Variants in VMP1 observed in about 807,000 individuals in gnomAD.
VMP1 encodes vacuole membrane protein 1.
In VMP1, 11 loss-of-function variants were observed where a neutral mutation model predicts 56.0. The ratio of observed to expected loss-of-function variants is 0.20; its 90% confidence interval spans 0.12 to 0.32. VMP1 has a LOEUF of 0.32. VMP1 is among the 10% of genes least tolerant of loss of function. The probability of loss-of-function intolerance (pLI) is 1.00; values close to 1 mark genes in which losing one functional copy is unlikely to be tolerated. For missense variants in VMP1, 296 were observed against 490.3 expected (o/e 0.60, Z 3.74); for synonymous variants, 149 against 165.0 (o/e 0.90, Z 0.74).
chr17:59,715,862 C>T (rs1404353517), intron 1 of VMP1, among the ~76,000 whole-genome samples: 1 of 152,040 alleles, frequency 6.6e-6, no homozygotes, highest in African/African-American at 2.4e-5. Flanking sequence ...ATCTTTTATC[C>T]TGTGACCTTG....
chr17:59,737,623 G>A, intron 4 of VMP1, 80 bp downstream of exon 4: 1 of 1,262,334 alleles, frequency 7.9e-7, no homozygotes. Context: ...GATGAATGTG[G>A]GTTTTATAGA....
At chr17:59,743,215 T>C (rs1206637602) in intron 5 of VMP1, among the ~76,000 whole-genome samples, 1 of 152,144 alleles carries the variant, frequency 6.6e-6, no homozygotes, top group African/African-American at 2.4e-5. Context: ...ACAGAATAGT[T>C]TCACTGTCTT....
At chr17:59,809,696 CG>C (rs2037988098) in intron 8 of VMP1, among the ~76,000 whole-genome samples, 1 of 150,438 alleles carries the variant, frequency 6.6e-6, no homozygotes, top group Non-Finnish European at 1.5e-5. Flanking sequence ...TTAGTAGAGA[CG>C]GGGTTTCACC....
intron 6 of VMP1, among the ~76,000 whole-genome samples, chr17:59,772,243 G>A (rs1287889444): frequency 6.6e-6 from 1 of 151,170 alleles, no homozygotes; most frequent in East Asian, 2.0e-4. Flanking sequence ...CACCCACCTC[G>A]GCCTCCCAAA....
chr17:59,759,902 T>G (rs2035979888), intron 5 of VMP1, among the ~76,000 whole-genome samples: 1 of 63,412 alleles, frequency 1.6e-5, no homozygotes, highest in Admixed American at 1.4e-4. Flanking sequence ...TGTTTTTTGG[T>G]GTTTTTTTTT....
At chr17:59,739,254 T>C (rs2035123868) in intron 5 of VMP1, among the ~76,000 whole-genome samples, 1 of 152,258 alleles carries the variant, frequency 6.6e-6, no homozygotes, top group African/African-American at 2.4e-5. Context: ...GTTATTTTAA[T>C]AAATGAAGTC....
chr17:59,792,518 T>A (rs1320200248), intron 7 of VMP1, among the ~76,000 whole-genome samples: 2 of 152,134 alleles, frequency 1.3e-5, no homozygotes, highest in African/African-American at 4.8e-5. Context: ...TTATGTTTTA[T>A]ACATAGCAGA....
chr17:59,722,004 T>A (rs1052119454), intron 1 of VMP1, among the ~76,000 whole-genome samples: 14 of 152,244 alleles, frequency 9.2e-5, no homozygotes, highest in Admixed American at 7.2e-4. Context: ...GTCTTTCCTC[T>A]GTGTCCAGGT....
At chr17:59,825,526 T>C (rs563087606) in intron 10 of VMP1, among the ~76,000 whole-genome samples, 6 of 152,296 alleles carry the variant, frequency 3.9e-5, no homozygotes, top group East Asian at 3.9e-4. Context: ...TCTCACCAAA[T>C]AGGGGATGTG....
chr17:59,784,939 A>G (rs1369947838), intron 7 of VMP1: 1 of 152,158 alleles, frequency 6.6e-6, no homozygotes. Context: ...CTTTTGTAAA[A>G]TTATATACTT....
chr17:59,730,581 A>G (rs2034786085), intron 1 of VMP1, among the ~76,000 whole-genome samples: 1 of 152,136 alleles, frequency 6.6e-6, no homozygotes, highest in Non-Finnish European at 1.5e-5. Context: ...GTCTTTTTAT[A>G]AGTGTCTGGG....
At chr17:59,773,668 G>T in intron 6 of VMP1, 86 bp from the exon 7 acceptor site, 2 of 1,283,358 alleles carry the variant, frequency 1.6e-6, no homozygotes, top group South Asian at 3.5e-5. Flanking sequence ...AATGCTTCTG[G>T]TGATATAGAA....
At chr17:59,732,538 C>T (rs765737820) in intron 2 of VMP1, among the ~76,000 whole-genome samples, 1 of 125,790 alleles carries the variant, frequency 7.9e-6, no homozygotes, top group African/African-American at 2.5e-5. Context: ...CCACCGCGCC[C>T]GGCCTCATTT....
At chr17:59,745,191 G>A (rs957611707) in intron 5 of VMP1, among the ~76,000 whole-genome samples, 8 of 152,108 alleles carry the variant, frequency 5.3e-5, no homozygotes, top group African/African-American at 1.9e-4. Context: ...TGTTGCTTGA[G>A]ATCTTTGTGT....
At chr17:59,739,451 G>A (rs533571738) in intron 5 of VMP1, among the ~76,000 whole-genome samples, 11 of 150,212 alleles carry the variant, frequency 7.3e-5, no homozygotes, top group East Asian at 6.0e-4. Context: ...TGGGCTGGGC[G>A]TGGTGGCTCA....
At chr17:59,711,072 CA>C (rs34793194) in intron 1 of VMP1, among the ~76,000 whole-genome samples, 12 of 126,084 alleles carry the variant, frequency 9.5e-5, no homozygotes, top group Admixed American at 8.5e-5. Flanking sequence ...GACTCCATCT[CA>C]AAAAAAAAAG....
chr17:59,735,057 G>A (rs1598310024), intron 2 of VMP1, among the ~76,000 whole-genome samples: 1 of 151,926 alleles, frequency 6.6e-6, no homozygotes, highest in Middle Eastern at 3.4e-3. Context: ...GATTACAGGC[G>A]TGTACCACCA....
chr17:59,735,033 T>C (rs2034966897), intron 2 of VMP1, among the ~76,000 whole-genome samples: 1 of 149,158 alleles, frequency 6.7e-6, no homozygotes, highest in African/African-American at 2.5e-5. Flanking sequence ...TGCTTCAGCC[T>C]CCCGAGTAGC....
At chr17:59,757,547 A>G (rs2035889066) in intron 5 of VMP1, among the ~76,000 whole-genome samples, 1 of 152,148 alleles carries the variant, frequency 6.6e-6, no homozygotes, top group African/African-American at 2.4e-5. Context: ...ATCTTTTTCC[A>G]CAGACAAGTA....
Sources: gnomAD v4.1 joint callset for allele counts (sites outside exome capture counted in the v4.1 genomes callset) on GRCh38, gnomAD v4.1.1 for gene constraint, MANE v1.5 for transcripts, NCBI Gene and HGNC (gene_info 2026-07-23, HGNC 2026-07-21) for gene names.